C2CD3: variants seen among roughly 807,000 people sequenced by gnomAD.
The protein encoded by C2CD3 is C2 domain containing 3 centriole elongation regulator.
Under a neutral mutation model 234.0 loss-of-function variants are expected in C2CD3, and 148 were observed. The ratio of observed to expected loss-of-function variants is 0.63; its 90% CI spans 0.55 to 0.72. The LOEUF is 0.72. C2CD3 is among the 30% of genes least tolerant of loss of function. The pLI, the probability that C2CD3 is intolerant of heterozygous loss-of-function variation, is 0.00. For missense variants in C2CD3, 2,577 were observed against 2,811.5 expected (o/e 0.92, Z 1.89); for synonymous variants, 1,000 against 1,035.4 (o/e 0.97, Z 0.66).
chr11:74,044,451 C>CAAA (rs759415122), intron 28 of C2CD3, among the ~76,000 whole-genome samples: 170 of 124,138 alleles, frequency 1.4e-3, no homozygotes, highest in African/African-American at 4.5e-3. Flanking sequence ...AAGACTGTCT[C>CAAA]AAAAAAAAAA....
intron 7 of C2CD3, among the ~76,000 whole-genome samples, chr11:74,127,258 C>T (rs1026446955): frequency 2.0e-5 from 3 of 152,226 alleles, no homozygotes; most frequent in Admixed American, 6.5e-5. Context: ...TCTCCCAACT[C>T]GGCCTGCCAG....
In C2CD3 at chr11:74,103,355, C is replaced by G; in HGVS notation, c.2356G>C (p.Ala786Pro). Reference sequence around the variant, plus strand: ...GTCTGATTGACTAAATTATGGGAGGCTGGCGTAGCTACGAAGGTTGAAGGA... The same window carrying G: ...GTCTGATTGACTAAATTATGGGAGGGTGGCGTAGCTACGAAGGTTGAAGGA... ...PHPSTFVATP[A>P]SHNLVNQTNG... The change falls in exon 14 of 33, where the codon GCC becomes CCC. Residue 786 changes from alanine (A) to proline (P), a missense_variant. Ala to Pro is a conservative substitution (Grantham distance 27, BLOSUM62 -1). Transcript: ENST00000334126. 6.2e-7 allele frequency: 1 copy of G among 1,614,194 alleles called. No individual in the cohort carries two copies. The highest frequency in any genetic ancestry group is 1.3e-5 in the African/African-American group (1 of 75,058).
At chr11:74,034,945 A>G (rs1952669521) in intron 30 of C2CD3, among the ~76,000 whole-genome samples, 1 of 152,254 alleles carries the variant, frequency 6.6e-6, no homozygotes, top group Non-Finnish European at 1.5e-5. Flanking sequence ...ATGGGCATAC[A>G]CTGTGTGGTG....
intron 2 of C2CD3, chr11:74,164,235 A>C: frequency 1.0e-6 from 1 of 960,164 alleles, no homozygotes; most frequent in South Asian, 4.8e-5. Context: ...ATTCCTACTA[A>C]CTGAATCCTA....
In C2CD3 at chr11:74,048,574, T is replaced by C. The variant is rs17310472; in HGVS notation, c.5362-236A>G. On this transcript the variant is annotated intron_variant, in intron 27 of 32. Coordinates refer to ENST00000334126, the MANE Select transcript of C2CD3 (RefSeq NM_001286577.2). ...ATCAGATTTGTTTTCAGTTGCTTTA[T>C]CTATATTTATGCTCTTGTTCCTCCA... Among the ~76,000 whole-genome samples the C allele has an allele frequency of 0.12, 18,718 of 152,236 alleles. 1,476 individuals are homozygous for C. Among genetic ancestry groups the C allele is most frequent in the Admixed American group, 0.21 (3,227 of 15,284 alleles).
intron 26 of C2CD3, among the ~76,000 whole-genome samples, chr11:74,050,735 G>A (rs970915456): frequency 6.6e-5 from 10 of 151,618 alleles, no homozygotes; most frequent in African/African-American, 9.8e-5. Flanking sequence ...CTGTCCTTTA[G>A]ACTGGAACCT....
At chr11:74,089,399 T>A (rs187027703) in intron 20 of C2CD3, among the ~76,000 whole-genome samples, 2 of 152,318 alleles carry the variant, frequency 1.3e-5, no homozygotes, top group African/African-American at 4.8e-5. Flanking sequence ...GACATCACCT[T>A]CACTAACACT....
chr11:74,059,624 T>C (rs1291117246), intron 24 of C2CD3, among the ~76,000 whole-genome samples: 2 of 152,086 alleles, frequency 1.3e-5, no homozygotes, highest in African/African-American at 4.8e-5. Context: ...TTTATTCCTG[T>C]CCACATGCAG....
intron 13 of C2CD3, among the ~76,000 whole-genome samples, chr11:74,104,311 C>T (rs1039066669): frequency 6.6e-6 from 1 of 152,154 alleles, no homozygotes; most frequent in African/African-American, 2.4e-5. Context: ...GCTATAAAGG[C>T]ACTGGTATAA....
chr11:74,109,133 T>C lies in C2CD3; in HGVS notation c.1863A>G (p.Arg621=). The C allele has an allele frequency of 6.3e-7, 1 of 1,580,894 alleles. No individual in the cohort carries two copies. The change falls in exon 12 of 33, where the codon CGA becomes CGG. Residue 621 remains arginine (R), a synonymous_variant. Coordinates refer to ENST00000334126, the MANE Select transcript of C2CD3 (RefSeq NM_001286577.2). ...ITDGKVKFQQ[R]FVFPVQFGGP... is the part of the protein sequence containing the mutation. ...CACCAAACTGTACTGGAAACACAAA[T>C]CGCTGCTGGAACTTCACCTCTGTAA...
chr11:74,038,669 C>G (rs897730368), intron 29 of C2CD3, among the ~76,000 whole-genome samples: 1 of 152,360 alleles, frequency 6.6e-6, no homozygotes, highest in East Asian at 1.9e-4. Flanking sequence ...CTATTCCAGT[C>G]AGCTTTTAAG....
intron 9 of C2CD3, among the ~76,000 whole-genome samples, chr11:74,117,624 T>TG (rs1565314496): frequency 4.6e-5 from 7 of 151,600 alleles, no homozygotes; most frequent in Admixed American, 1.3e-4. Flanking sequence ...AAAAGACTAC[T>TG]AATTGGAGGC....
intron 28 of C2CD3, among the ~76,000 whole-genome samples, chr11:74,046,956 A>G (rs113478471): frequency 0.021 from 3,273 of 152,320 alleles, 67 homozygotes; most frequent in African/African-American, 0.046. Flanking sequence ...AGTCCATATA[A>G]AAGTGAGTTA....
At chr11:74,014,536 G>A (rs994246578) in intron 32 of C2CD3, among the ~76,000 whole-genome samples, 2 of 131,124 alleles carry the variant, frequency 1.5e-5, no homozygotes, top group South Asian at 2.2e-4. Flanking sequence ...CGAGAGTTGC[G>A]CCCAGCGAGA....
intron 20 of C2CD3, among the ~76,000 whole-genome samples, chr11:74,086,203 T>C (rs1385675947): frequency 6.6e-6 from 1 of 152,172 alleles, no homozygotes; most frequent in Non-Finnish European, 1.5e-5. Context: ...TTACTGCTCA[T>C]TGCAATTAAG....
intron 31 of C2CD3, 87 bp from the exon 32 acceptor site, chr11:74,028,485 C>T (rs1952396016): frequency 9.1e-6 from 7 of 769,766 alleles, no homozygotes; most frequent in Non-Finnish European, 1.4e-5. Flanking sequence ...ATTCACTCTG[C>T]CCCCACTCAT....
intron 12 of C2CD3, among the ~76,000 whole-genome samples, chr11:74,108,402 A>T (rs935562757): frequency 1.3e-5 from 2 of 152,148 alleles, no homozygotes; most frequent in African/African-American, 4.8e-5. Context: ...GATTATAAAG[A>T]CTACTCTTTT....
intron 24 of C2CD3, among the ~76,000 whole-genome samples, chr11:74,063,839 C>T (rs944578708): frequency 6.6e-6 from 1 of 152,176 alleles, no homozygotes; most frequent in African/African-American, 2.4e-5. Flanking sequence ...TCCCTGTTTG[C>T]AGATGACATG....
intron 32 of C2CD3, among the ~76,000 whole-genome samples, chr11:74,013,736 A>G (rs1951776357): frequency 6.6e-6 from 1 of 152,170 alleles, no homozygotes; most frequent in South Asian, 2.1e-4. Context: ...TAAGGAAACT[A>G]CATTCAGGTG....
Sources: gnomAD v4.1 joint callset for allele counts (sites outside exome capture counted in the v4.1 genomes callset) on GRCh38, gnomAD v4.1.1 for gene constraint, MANE v1.5 for transcripts, NCBI Gene and HGNC (gene_info 2026-07-23, HGNC 2026-07-21) for gene names.